SCML4: variants seen among roughly 807,000 people sequenced by gnomAD.
SCML4 encodes Scm polycomb group protein like 4.
Under a neutral mutation model 41.1 loss-of-function variants are expected in SCML4, and 34 were observed. The ratio of observed to expected loss-of-function variants is 0.83; its 90% CI spans 0.63 to 1.10. The LOEUF (loss-of-function observed/expected upper bound fraction) is 1.10. Ranked by LOEUF, SCML4 falls within the 50% of genes least tolerant of loss-of-function variation. The pLI is 0.00. For missense variants in SCML4, 522 were observed against 534.1 expected (o/e 0.98, Z 0.22); for synonymous variants, 214 against 220.9 (o/e 0.97, Z 0.28).
At chr6:107,711,246 G>A (rs1739869) in intron 6 of SCML4, among the ~76,000 whole-genome samples, 113,303 of 150,956 alleles carry the variant, frequency 0.75, 42,739 homozygotes, top group Admixed American at 0.81. Context: ...TAGGTGAAGC[G>A]TTTGGTGAAA....
intron 5 of SCML4, among the ~76,000 whole-genome samples, chr6:107,742,482 G>A (rs74908634): frequency 0.014 from 2,117 of 152,196 alleles, 15 homozygotes; most frequent in Non-Finnish European, 0.022. Flanking sequence ...ACTACCCCAA[G>A]GCATATATTA....
chr6:107,779,529 G>A (rs889231535), intron 1 of SCML4, among the ~76,000 whole-genome samples: 3 of 152,198 alleles, frequency 2.0e-5, no homozygotes, highest in South Asian at 2.1e-4. Context: ...AGTGAACGGA[G>A]GTAGCTTTAA....
intron 1 of SCML4, among the ~76,000 whole-genome samples, chr6:107,779,653 A>G (rs1781329210): frequency 6.6e-6 from 1 of 152,088 alleles, no homozygotes; most frequent in South Asian, 2.1e-4. Flanking sequence ...ACACAACCCT[A>G]TCTTCTCTTG....
intron 1 of SCML4, among the ~76,000 whole-genome samples, chr6:107,795,602 A>G (rs1237775438): frequency 6.6e-6 from 1 of 151,936 alleles, no homozygotes; most frequent in Non-Finnish European, 1.5e-5. Context: ...ATCTCAGCTC[A>G]CTGCAACCTC....
intron 1 of SCML4, among the ~76,000 whole-genome samples, chr6:107,812,880 T>TACACATACACACAC (rs1554225251): frequency 9.9e-5 from 14 of 141,470 alleles, no homozygotes; most frequent in Non-Finnish European, 1.8e-4. Context: ...CACAGACACA[T>TACACATACACACAC]ACACACACAC....
chr6:107,821,399 C>G (rs78270479), intron 1 of SCML4, among the ~76,000 whole-genome samples: 1,753 of 152,278 alleles, frequency 0.012, 31 homozygotes, highest in African/African-American at 0.039. Context: ...TCTAGGGAGG[C>G]ATTGTTTAAA....
upstream of SCML4, chr6:107,824,462 C>CTGTGTGTGTGTGTG (rs58212021): frequency 1.5e-5 from 2 of 134,852 alleles, no homozygotes; most frequent in African/African-American, 5.7e-5. Flanking sequence ...AACGAGGCCT[C>CTGTGTGTGTGTGTG]TGTGTGTGTG....
chr6:107,714,348 A>G (rs1728133), intron 6 of SCML4, among the ~76,000 whole-genome samples: 114,129 of 151,742 alleles, frequency 0.75, 43,115 homozygotes, highest in Admixed American at 0.81. Context: ...CCTCCTCCCT[A>G]CTGACCCTCC....
At chr6:107,775,128 C>T (rs568132704) in intron 1 of SCML4, among the ~76,000 whole-genome samples, 1 of 152,304 alleles carries the variant, frequency 6.6e-6, no homozygotes, top group Admixed American at 6.5e-5. Context: ...CACTTCAGCA[C>T]CATCAGCCAG....
chr6:107,778,932 G>A (rs915655296), intron 1 of SCML4, among the ~76,000 whole-genome samples: 2 of 152,110 alleles, frequency 1.3e-5, no homozygotes, highest in African/African-American at 2.4e-5. Flanking sequence ...TGTAATCCCA[G>A]CGCTTTGGGA....
intron 1 of SCML4, among the ~76,000 whole-genome samples, chr6:107,798,372 G>T (rs1422366377): frequency 3.3e-5 from 5 of 151,806 alleles, no homozygotes; most frequent in Admixed American, 3.3e-4. Flanking sequence ...CAAAAAATTT[G>T]TTGTGAATTT....
intron 6 of SCML4, among the ~76,000 whole-genome samples, chr6:107,712,978 C>T (rs529768451): frequency 1.3e-5 from 2 of 152,352 alleles, no homozygotes; most frequent in African/African-American, 4.8e-5. Context: ...ATGAGGACAT[C>T]GTGCTTGGTC....
At chr6:107,707,281 C>A (rs1442679790) in intron 7 of SCML4, among the ~76,000 whole-genome samples, 2 of 152,130 alleles carry the variant, frequency 1.3e-5, no homozygotes, top group Non-Finnish European at 2.9e-5. Context: ...GCATTCCAGC[C>A]TGGGCGACAG....
chr6:107,778,248 TATATATATATATATATAACTTGAGA>T (rs1329177370), intron 1 of SCML4, among the ~76,000 whole-genome samples: 3 of 86,536 alleles, frequency 3.5e-5, no homozygotes, highest in Non-Finnish European at 6.7e-5. Flanking sequence ...TATATATATA[TATATATATATATATATAACTTGAGA>T]ATGCCCAGGA....
intron 5 of SCML4, among the ~76,000 whole-genome samples, chr6:107,729,697 A>G (rs1028163192): frequency 1.3e-5 from 2 of 152,246 alleles, no homozygotes; most frequent in African/African-American, 4.8e-5. Context: ...CTAAGATTAA[A>G]AGACATGAGT....
chr6:107,720,655 G>A (rs1775291239), intron 6 of SCML4, 48 bp downstream of exon 6: 1 of 1,494,368 alleles, frequency 6.7e-7, no homozygotes, highest in South Asian at 1.4e-5. Context: ...CCCGCGCAAG[G>A]GCAAGGGATG....
At chr6:107,807,785 C>T (rs1157908276) in intron 1 of SCML4, among the ~76,000 whole-genome samples, 3 of 152,204 alleles carry the variant, frequency 2.0e-5, no homozygotes, top group East Asian at 3.8e-4. Flanking sequence ...AACTCCCAGC[C>T]GAAGACAATC....
chr6:107,738,655 G>A (rs1777307857), intron 5 of SCML4, among the ~76,000 whole-genome samples: 1 of 152,030 alleles, frequency 6.6e-6, no homozygotes, highest in African/African-American at 2.4e-5. Context: ...TATTTCAAAA[G>A]TCTGAGGAAG....
At chr6:107,757,532 A>G (rs1295748218) in intron 2 of SCML4, among the ~76,000 whole-genome samples, 2 of 152,214 alleles carry the variant, frequency 1.3e-5, no homozygotes, top group Non-Finnish European at 2.9e-5. Flanking sequence ...TTAGGGCAGC[A>G]GTGGGCACAT....
Sources: allele counts gnomAD v4.1 joint callset (sites outside exome capture counted in the v4.1 genomes callset), GRCh38; gene constraint gnomAD v4.1.1; transcripts MANE v1.5; gene names NCBI Gene and HGNC (gene_info 2026-07-23, HGNC 2026-07-21).